The following SRGAP3 variants were observed in gnomAD, a reference collection of about 807,000 sequenced individuals.
SRGAP3 encodes SLIT-ROBO Rho GTPase activating protein 3.
Under a neutral mutation model 121.1 loss-of-function variants are expected in SRGAP3, and 39 were observed. That is an observed-to-expected ratio of 0.32 (90% CI 0.25 to 0.42). The LOEUF is 0.42. SRGAP3 is among the 10% of genes least tolerant of loss of function. SRGAP3 has a pLI of 1.00. For synonymous variants in SRGAP3, 601 were observed against 570.0 expected (o/e 1.05, Z -0.77); for missense variants, 1,213 against 1,470.6 (o/e 0.82, Z 2.86).
chr3:9,218,970 G>C lies in SRGAP3; in HGVS notation c.67+29915C>G, dbSNP rs1012167529. 9.9e-5 allele frequency among the ~76,000 whole-genome samples: 15 copies of C among 152,110 alleles called. No homozygotes were observed. The highest frequency in any genetic ancestry group is 3.6e-4 in the African/African-American group (15 of 41,442). On this transcript the variant is annotated intron_variant, in intron 1 of 21. Coordinates refer to ENST00000383836, the MANE Select transcript of SRGAP3 (RefSeq NM_014850.4). The surrounding 1 kb of genome is among the most constrained non-coding windows in gnomAD (Gnocchi z 5.3). ...TTACAGGCGTGAGCCACTGCGCCCA[G>C]CCTATTTTATCTTATCTTATTTTAT...
intron 2 of SRGAP3, among the ~76,000 whole-genome samples, chr3:9,110,552 T>C (rs1398387270): frequency 6.6e-6 from 1 of 152,098 alleles, no homozygotes; most frequent in Non-Finnish European, 1.5e-5. Context: ...CGGTGGCGCC[T>C]CCCCTCCTGC....
Position 9,109,017 on chromosome 3 carries a change from C to G in SRGAP3, c.261-4175G>C, listed in dbSNP as rs1948522025. Reference sequence around the variant, plus strand: ...CTGATGACATGAACTGAGATAAGAACTGCAAGGGGAGCAGTAGGTTTGGAC... The same window carrying G: ...CTGATGACATGAACTGAGATAAGAAGTGCAAGGGGAGCAGTAGGTTTGGAC... On this transcript the variant is annotated intron_variant, in intron 2 of 21. Transcript: ENST00000383836. This position sits in a 1 kb window ranked among gnomAD's most constrained non-coding sequence, Gnocchi z 4.4. Among the ~76,000 whole-genome samples, 1 of 152,152 alleles carries G rather than the reference C, an allele frequency of 6.6e-6. No individual in the cohort carries two copies. The highest frequency in any genetic ancestry group is 1.5e-5 in the Non-Finnish European group (1 of 68,020).
chr3:9,051,035 T>A (rs527477103), intron 9 of SRGAP3, among the ~76,000 whole-genome samples: 1 of 140,418 alleles, frequency 7.1e-6, no homozygotes, highest in African/African-American at 2.7e-5. Flanking sequence ...TTTTTTTTTT[T>A]TTTTTTTTTT....
At chr3:9,009,610 T>A (rs1943257709) in intron 18 of SRGAP3, among the ~76,000 whole-genome samples, 1 of 152,190 alleles carries the variant, frequency 6.6e-6, no homozygotes, top group Admixed American at 6.5e-5. Flanking sequence ...GCCTGACGGA[T>A]AAGTTGGCAT....
intron 1 of SRGAP3, among the ~76,000 whole-genome samples, chr3:9,336,389 AT>A (rs1280202507): frequency 6.6e-6 from 1 of 151,932 alleles, no homozygotes; most frequent in Non-Finnish European, 1.5e-5. Flanking sequence ...TTAAATTTTT[AT>A]TTTTTGTAGA....
intron 18 of SRGAP3, among the ~76,000 whole-genome samples, chr3:8,997,848 C>T (rs1942501908): frequency 6.6e-6 from 1 of 151,334 alleles, no homozygotes; most frequent in Admixed American, 6.6e-5. Flanking sequence ...TACTTTATCT[C>T]TAAACACTTC....
intron 1 of SRGAP3, among the ~76,000 whole-genome samples, chr3:9,246,926 T>C (rs1232327533): frequency 1.3e-5 from 2 of 152,192 alleles, no homozygotes; most frequent in Non-Finnish European, 2.9e-5. Context: ...GGGTACTCGC[T>C]GCTTAGTTGT....
chr3:9,148,329 T>C (rs1044305569), intron 1 of SRGAP3, among the ~76,000 whole-genome samples: 1 of 152,220 alleles, frequency 6.6e-6, no homozygotes, highest in Non-Finnish European at 1.5e-5. Context: ...GAATGTGTGC[T>C]ACAAGCACCA....
intron 8 of SRGAP3, among the ~76,000 whole-genome samples, chr3:9,055,940 T>C (rs1945799203): frequency 6.6e-6 from 1 of 152,152 alleles, no homozygotes; most frequent in Non-Finnish European, 1.5e-5. Context: ...CACTCTGTCA[T>C]CCAGGCTAGA....
intron 3 of SRGAP3, among the ~76,000 whole-genome samples, chr3:9,262,575 G>C (rs1450204182): frequency 1.5e-5 from 2 of 133,614 alleles, no homozygotes; most frequent in Non-Finnish European, 3.2e-5. Flanking sequence ...TGCAATCCTA[G>C]TCTCTGATAA....
At chr3:9,113,532 G>C (rs573671523) in intron 2 of SRGAP3, among the ~76,000 whole-genome samples, 19 of 152,214 alleles carry the variant, frequency 1.2e-4, no homozygotes, top group Middle Eastern at 3.4e-3. Flanking sequence ...TTCCAAATAA[G>C]GTCACATTTT....
At chr3:9,273,223 G>T (rs1486972645) in intron 3 of SRGAP3, among the ~76,000 whole-genome samples, 1 of 152,186 alleles carries the variant, frequency 6.6e-6, no homozygotes, top group Non-Finnish European at 1.5e-5. Flanking sequence ...TCTGATAGGA[G>T]GTGGAGCTTG....
chr3:9,301,740 G>A (rs1017803709), intron 3 of SRGAP3, among the ~76,000 whole-genome samples: 9 of 152,240 alleles, frequency 5.9e-5, no homozygotes, highest in African/African-American at 2.2e-4. Flanking sequence ...AGCGTGGGAC[G>A]CACTTCTGTC....
At chr3:9,105,226 A>C (rs1948376789) in intron 2 of SRGAP3, among the ~76,000 whole-genome samples, 7 of 152,230 alleles carry the variant, frequency 4.6e-5, no homozygotes, top group Admixed American at 4.6e-4. Context: ...CAAAAAGTAG[A>C]TACTTCCACT....
At chr3:9,250,507 T>C (rs1464174146), upstream of SRGAP3, among the ~76,000 whole-genome samples, 5 of 152,134 alleles carry the variant, frequency 3.3e-5, no homozygotes, top group Non-Finnish European at 7.4e-5. Context: ...AAGTATATTA[T>C]ATAATATCAT....
At chr3:9,166,230 C>T (rs527585284) in intron 1 of SRGAP3, among the ~76,000 whole-genome samples, 1 of 152,328 alleles carries the variant, frequency 6.6e-6, no homozygotes, top group South Asian at 2.1e-4. Flanking sequence ...TAGGTCTGAG[C>T]TCCAGGAAGG....
chr3:9,277,049 C>T (rs1954596958), intron 3 of SRGAP3, among the ~76,000 whole-genome samples: 1 of 152,202 alleles, frequency 6.6e-6, no homozygotes, highest in Admixed American at 6.5e-5. Flanking sequence ...GCCTCATTTT[C>T]TCATATAGCA....
At chr3:9,356,620 G>A (rs1461700793) in intron 1 of SRGAP3, among the ~76,000 whole-genome samples, 2 of 151,898 alleles carry the variant, frequency 1.3e-5, no homozygotes, top group African/African-American at 2.4e-5. Context: ...TGATCCGCCC[G>A]CCTCAGCCTC....
At chr3:9,078,960 T>A (rs917993658) in intron 4 of SRGAP3, among the ~76,000 whole-genome samples, 1 of 152,166 alleles carries the variant, frequency 6.6e-6, no homozygotes, top group Non-Finnish European at 1.5e-5. Context: ...CTTGTTGGGA[T>A]CTGAGGCAGG....
Sources: allele counts gnomAD v4.1 joint callset (sites outside exome capture counted in the v4.1 genomes callset), GRCh38; gene constraint gnomAD v4.1.1; non-coding constraint Gnocchi (gnomAD v3.1); transcripts MANE v1.5; gene names NCBI Gene and HGNC (gene_info 2026-07-23, HGNC 2026-07-21).